Variants in MAP4K3 observed in about 807,000 individuals in gnomAD.
The protein encoded by MAP4K3 is MAPK/ERK kinase kinase kinase 3.
MAP4K3 carries 94 observed loss-of-function variants against 143.5 expected under a neutral mutation model. That is an observed-to-expected ratio of 0.65 (90% CI 0.55 to 0.78). The LOEUF (loss-of-function observed/expected upper bound fraction) is 0.78. Ranked by LOEUF, MAP4K3 falls within the 30% of genes least tolerant of loss-of-function variation. The pLI, the probability that MAP4K3 is intolerant of heterozygous loss-of-function variation, is 0.00. For missense variants in MAP4K3, 1,077 were observed against 1,068.1 expected (o/e 1.01, Z -0.12); for synonymous variants, 416 against 347.2 (o/e 1.20, Z -2.20).
intron 8 of MAP4K3, among the ~76,000 whole-genome samples, chr2:39,329,543 T>C (rs1683615606): frequency 1.3e-5 from 2 of 152,120 alleles, no homozygotes; most frequent in Admixed American, 6.6e-5. Flanking sequence ...AAAGTAGCAA[T>C]AGTAGGGTTG....
Position 39,325,894 on chromosome 2 carries a change from C to T in MAP4K3, c.725+5G>A. On this transcript the variant is annotated splice_donor_5th_base_variant and intron_variant, in intron 10 of 33. Transcript: ENST00000263881. ...CATAAAAGTAAATAACATAAAAATACTTACCATTTCATTTTATCCTTTAGT... is the reference window on the plus strand; with the variant it reads ...CATAAAAGTAAATAACATAAAAATATTTACCATTTCATTTTATCCTTTAGT... 6.4e-7 allele frequency: 1 copy of T among 1,573,212 alleles called. No homozygotes were observed. Among genetic ancestry groups the T allele is most frequent in the Non-Finnish European group, 8.7e-7 (1 of 1,149,412 alleles).
In MAP4K3 at chr2:39,251,997, T is replaced by C; in HGVS notation, c.2542-112A>G. 5.6e-6 allele frequency: 4 copies of C among 717,240 alleles called. No homozygotes were observed. The South Asian group carries it at 6.3e-5, about 11-fold the overall frequency. 44.4% of individuals were successfully genotyped at this position (717,240 alleles called of 1,614,324 possible). ...AACATGATCGCTAAAAATGAAAACA[T>C]ATTCCTGCATGACTGTTTGTTAAAG... On this transcript the variant is annotated intron_variant, in intron 32 of 33. Transcript: ENST00000263881.
At chr2:39,302,713 T>A (rs1334390151) in intron 15 of MAP4K3, among the ~76,000 whole-genome samples, 1 of 152,124 alleles carries the variant, frequency 6.6e-6, no homozygotes, top group Non-Finnish European at 1.5e-5. Context: ...ATAAAAAAAG[T>A]TAGTAGCACT....
intron 1 of MAP4K3, among the ~76,000 whole-genome samples, chr2:39,397,579 G>GT (rs1441412884): frequency 2.4e-4 from 36 of 152,148 alleles, no homozygotes; most frequent in African/African-American, 6.3e-4. Flanking sequence ...CCCAATAAAA[G>GT]TATCAATTTT....
chr2:39,436,619 G>A lies in MAP4K3; in HGVS notation c.96+273C>T, dbSNP rs747013100. 4.3e-5 allele frequency: 21 copies of A among 490,766 alleles called. No individual in the cohort carries two copies. The Middle Eastern group carries it at 2.8e-3, about 65-fold the overall frequency. 30.4% of individuals were successfully genotyped at this position (490,766 alleles called of 1,614,324 possible). On this transcript the variant is annotated intron_variant, in intron 1 of 33. Coordinates refer to ENST00000263881, the MANE Select transcript of MAP4K3 (RefSeq NM_003618.4). ...TGGATGAGCAGTGTGGCCTGCTCTC[G>A]TTCTGCCCTTCCCTGGAAATGCGCG...
At chr2:39,435,948 G>A (rs1413571837) in intron 1 of MAP4K3, among the ~76,000 whole-genome samples, 1 of 152,232 alleles carries the variant, frequency 6.6e-6, no homozygotes, top group Non-Finnish European at 1.5e-5. Context: ...AGTTAAGACT[G>A]AACTTTCCAA....
intron 12 of MAP4K3, among the ~76,000 whole-genome samples, chr2:39,316,005 T>C (rs1683102747): frequency 3.9e-5 from 6 of 152,148 alleles, no homozygotes; most frequent in Admixed American, 3.9e-4. Flanking sequence ...TTATATAACT[T>C]ATGCTTATGT....
chr2:39,324,808 C>A (rs1215356436), intron 12 of MAP4K3, among the ~76,000 whole-genome samples: 2 of 152,172 alleles, frequency 1.3e-5, no homozygotes, highest in Non-Finnish European at 2.9e-5. Flanking sequence ...CATATGCAAA[C>A]AGAAGTGAAG....
intron 12 of MAP4K3, 120 bp from the exon 13 acceptor site, chr2:39,315,508 A>G (rs1319935039): frequency 8.5e-6 from 5 of 591,508 alleles, no homozygotes; most frequent in Non-Finnish European, 1.3e-5. Context: ...GCAAAACAGC[A>G]CTTTGCAAAT....
chr2:39,306,042 A>C (rs1196854338), intron 15 of MAP4K3, among the ~76,000 whole-genome samples: 4 of 152,044 alleles, frequency 2.6e-5, no homozygotes, highest in Non-Finnish European at 4.4e-5. Context: ...GTTGGCCAGG[A>C]TGGTCTCGAT....
At chr2:39,292,323 A>T (rs1682077446) in intron 18 of MAP4K3, among the ~76,000 whole-genome samples, 1 of 152,158 alleles carries the variant, frequency 6.6e-6, no homozygotes, top group South Asian at 2.1e-4. Context: ...ATATTTAGAG[A>T]TGGGTTTTTA....
chr2:39,323,971 T>A (rs565842495), intron 12 of MAP4K3, among the ~76,000 whole-genome samples: 15 of 152,240 alleles, frequency 9.9e-5, no homozygotes, highest in Non-Finnish European at 1.6e-4. Context: ...TTATTAAGAT[T>A]ACTTTGCAGA....
chr2:39,263,438 A>ATT (rs34894620), intron 28 of MAP4K3, among the ~76,000 whole-genome samples: 105,659 of 137,328 alleles, frequency 0.77, 42,718 homozygotes, highest in Non-Finnish European at 0.9. Flanking sequence ...ACGCCCGGCT[A>ATT]TTTTTTTTTT....
intron 7 of MAP4K3, among the ~76,000 whole-genome samples, chr2:39,332,256 G>A (rs1212646946): frequency 6.6e-6 from 1 of 151,996 alleles, no homozygotes; most frequent in Admixed American, 6.6e-5. Context: ...TAATTTTGAA[G>A]AGAAAGTGAT....
chr2:39,331,863 C>G (rs1374110385), intron 8 of MAP4K3, 54 bp downstream of exon 8: 1 of 1,154,396 alleles, frequency 8.7e-7, no homozygotes, highest in Non-Finnish European at 1.2e-6. Context: ...TTTAGAAATG[C>G]TATATCCAAT....
At chr2:39,368,404 TG>T (rs2148568032) in intron 2 of MAP4K3, among the ~76,000 whole-genome samples, 1 of 152,248 alleles carries the variant, frequency 6.6e-6, no homozygotes, top group South Asian at 2.1e-4. Flanking sequence ...CAGTGGCTCA[TG>T]TTTGTAATCT....
At chr2:39,414,549 T>TC (rs1212034026) in intron 1 of MAP4K3, among the ~76,000 whole-genome samples, 1 of 152,206 alleles carries the variant, frequency 6.6e-6, no homozygotes, top group Non-Finnish European at 1.5e-5. Context: ...TTCTACTCTG[T>TC]CTGCCTACTA....
chr2:39,253,725 C>T (rs1245046716), intron 32 of MAP4K3, among the ~76,000 whole-genome samples: 4 of 152,174 alleles, frequency 2.6e-5, no homozygotes, highest in Non-Finnish European at 5.9e-5. Flanking sequence ...AAGCTTCCTT[C>T]CAAGTTACAT....
intron 3 of MAP4K3, among the ~76,000 whole-genome samples, chr2:39,353,851 C>A (rs913444873): frequency 6.6e-6 from 1 of 152,080 alleles, no homozygotes; most frequent in Non-Finnish European, 1.5e-5. Context: ...CGTAGTTACC[C>A]AGGAAGTACT....
Sources: gnomAD v4.1 joint callset for allele counts (sites outside exome capture counted in the v4.1 genomes callset) on GRCh38, gnomAD v4.1.1 for gene constraint, MANE v1.5 for transcripts, NCBI Gene and HGNC (gene_info 2026-07-23, HGNC 2026-07-21) for gene names.